The following SV2C variants were observed in gnomAD, a reference collection of about 807,000 sequenced individuals.
The protein encoded by SV2C is solute carrier family 22 member B3.
Under a neutral mutation model 79.7 loss-of-function variants are expected in SV2C, and 49 were observed. The ratio of observed to expected loss-of-function variants is 0.61; its 90% confidence interval spans 0.49 to 0.78. The LOEUF is 0.78. Among genes scored for constraint, SV2C ranks in the 30% least tolerant of loss-of-function variants. The pLI, the probability that SV2C is intolerant of heterozygous loss-of-function variation, is 0.00. For synonymous variants in SV2C, 334 were observed against 333.2 expected (o/e 1.00, Z -0.03); for missense variants, 833 against 912.9 (o/e 0.91, Z 1.13).
At position 76,325,836 on chromosome 5, in the gene SV2C, G is replaced by C. The variant is rs1265318046; in HGVS notation, c.*289G>C. 1 of 304,666 alleles carries C rather than the reference G, an allele frequency of 3.3e-6. No homozygotes were observed. Among genetic ancestry groups the C allele is most frequent in the Non-Finnish European group, 6.0e-6 (1 of 166,540 alleles). 18.9% of individuals were successfully genotyped at this position (304,666 alleles called of 1,614,324 possible). A position where few individuals can be genotyped will look rare whatever the true frequency, so the allele number is the denominator to read the frequency against. ...TTTCTAAAATGCCCTAGGCAGCCAG[G>C]CTTCCCTGGGGTTCTGCTCATTGAA... is the stretch of plus-strand genomic sequence containing the variant. On this transcript the variant is annotated 3_prime_UTR_variant, in exon 13 of 13. Transcript: ENST00000502798.
chr5:75,871,991 CA>C, the SV2C span, among the ~76,000 whole-genome samples: 2 of 146,202 alleles, frequency 1.4e-5, no homozygotes, highest in African/African-American at 5.0e-5. Flanking sequence ...ATATATATAA[CA>C]AAATATATAT....
At chr5:76,046,619 A>T in the SV2C span, among the ~76,000 whole-genome samples, 3 of 152,196 alleles carry the variant, frequency 2.0e-5, no homozygotes, top group East Asian at 5.8e-4. Flanking sequence ...GCACTACAAC[A>T]TTCAAATAAA....
At chr5:76,021,087 G>A in the SV2C span, among the ~76,000 whole-genome samples, 1 of 152,192 alleles carries the variant, frequency 6.6e-6, no homozygotes, top group South Asian at 2.1e-4. Flanking sequence ...GATTGTTTTG[G>A]TTTTCCACCT....
At chr5:76,033,912 CT>C in the SV2C span, among the ~76,000 whole-genome samples, 3 of 151,954 alleles carry the variant, frequency 2.0e-5, no homozygotes, top group African/African-American at 4.8e-5. Context: ...TTTGTATCCT[CT>C]TTTATTTCCT....
At chr5:76,192,719 A>C (rs1397531577) in intron 2 of SV2C, among the ~76,000 whole-genome samples, 2 of 152,202 alleles carry the variant, frequency 1.3e-5, no homozygotes, top group Non-Finnish European at 2.9e-5. Context: ...GTCTCCAATA[A>C]GCTGTTGGGT....
rs1746953701 is a variant in SV2C, at chr5:76,274,080, C to A, written c.914-11082C>A. On this transcript the variant is annotated intron_variant, in intron 4 of 12. Transcript: ENST00000502798. The stretch of plus-strand genomic sequence containing the variant: ...CTGTATTGTCAGTGTTTAGATTTGT[C>A]ACAATCAGAATTAACATTCGTTTAG... Among the ~76,000 whole-genome samples the A allele has an allele frequency of 2.0e-5, 3 of 152,198 alleles. No individual in the cohort carries two copies. In the South Asian group the frequency reaches 6.2e-4, roughly 31 times the overall value.
intron 1 of SV2C, among the ~76,000 whole-genome samples, chr5:76,100,142 T>G (rs1747689735): frequency 6.6e-6 from 1 of 152,034 alleles, no homozygotes. Context: ...AATCATGACC[T>G]TTTTTTAGTT....
chr5:75,924,610 G>T, the SV2C span, among the ~76,000 whole-genome samples: 6 of 151,992 alleles, frequency 3.9e-5, no homozygotes, highest in South Asian at 1.2e-3. Flanking sequence ...ATAAATTATG[G>T]TATCTATAAC....
At chr5:75,864,679 G>A in the SV2C span, among the ~76,000 whole-genome samples, 1 of 152,136 alleles carries the variant, frequency 6.6e-6, no homozygotes, top group African/African-American at 2.4e-5. Context: ...AGATACTGTG[G>A]GGGTCCCTCC....
chr5:76,043,973 G>A, the SV2C span, among the ~76,000 whole-genome samples: 44 of 152,050 alleles, frequency 2.9e-4, no homozygotes, highest in Non-Finnish European at 5.9e-4. Context: ...AGGCAAATGT[G>A]TGCCATGTTT....
chr5:76,016,254 T>TAAAAAAAAAAAAAAAAAAAGAAAAAA, the SV2C span, among the ~76,000 whole-genome samples: 1 of 90,374 alleles, frequency 1.1e-5, no homozygotes, highest in African/African-American at 5.1e-5. Context: ...TTTAATTTTC[T>TAAAAAAAAAAAAAAAAAAAGAAAAAA]AAAAAAAAAA....
intron 1 of SV2C, among the ~76,000 whole-genome samples, chr5:76,128,757 CA>C (rs1263035353): frequency 6.6e-6 from 1 of 152,152 alleles, no homozygotes; most frequent in Admixed American, 6.5e-5. Context: ...TTCATTGAAA[CA>C]AAGTCTGACA....
At chr5:76,183,115 C>T (rs1323806115) in intron 2 of SV2C, among the ~76,000 whole-genome samples, 1 of 145,108 alleles carries the variant, frequency 6.9e-6, no homozygotes, top group East Asian at 2.1e-4. Flanking sequence ...TGGCTCACTG[C>T]ACCCTCCACC....
intron 8 of SV2C, among the ~76,000 whole-genome samples, chr5:76,294,610 G>A (rs1207728405): frequency 6.6e-6 from 1 of 152,102 alleles, no homozygotes; most frequent in Non-Finnish European, 1.5e-5. Context: ...CATATGATCA[G>A]TATAAAAATT....
chr5:76,076,030 C>T, the SV2C span: 5 of 154,712 alleles, frequency 3.2e-5, no homozygotes, highest in Non-Finnish European at 1.4e-5. Flanking sequence ...TCTAAACACA[C>T]TGTAATGCAT....
intron 3 of SV2C, among the ~76,000 whole-genome samples, chr5:76,197,776 G>A (rs1744317144): frequency 8.1e-6 from 1 of 123,726 alleles, no homozygotes; most frequent in Admixed American, 8.1e-5. Flanking sequence ...ACACAATTAT[G>A]GAGGCTGAGG....
chr5:76,139,106 G>A (rs995025168), intron 2 of SV2C, among the ~76,000 whole-genome samples: 4 of 149,744 alleles, frequency 2.7e-5, no homozygotes, highest in Non-Finnish European at 5.9e-5. Flanking sequence ...GCGATGGAGC[G>A]AGACTCCATC....
At chr5:76,304,395 T>TCTAA (rs1350474072) in intron 12 of SV2C, among the ~76,000 whole-genome samples, 1 of 152,160 alleles carries the variant, frequency 6.6e-6, no homozygotes, top group Non-Finnish European at 1.5e-5. Context: ...TCCACTGATC[T>TCTAA]CTAACTCAGC....
At chr5:76,271,616 C>CTT (rs34458409) in intron 4 of SV2C, among the ~76,000 whole-genome samples, 107 of 96,076 alleles carry the variant, frequency 1.1e-3, no homozygotes, top group Non-Finnish European at 1.4e-3. Flanking sequence ...AGCATGTGTT[C>CTT]TTTTTTTTTT....
Sources: gnomAD v4.1 joint callset for allele counts (sites outside exome capture counted in the v4.1 genomes callset) on GRCh38, gnomAD v4.1.1 for gene constraint, MANE v1.5 for transcripts, NCBI Gene and HGNC (gene_info 2026-07-23, HGNC 2026-07-21) for gene names.